The following ZGPAT variants were observed in gnomAD, a reference collection of about 807,000 sequenced individuals.
ZGPAT encodes zinc finger CCCH-type with G patch domain-containing protein.
ZGPAT carries 39 observed loss-of-function variants against 47.9 expected under a neutral mutation model. That is an observed-to-expected ratio of 0.81 (90% CI 0.63 to 1.06). The LOEUF (loss-of-function observed/expected upper bound fraction) is 1.06. ZGPAT is among the 50% of genes least tolerant of loss of function. The pLI, the probability that ZGPAT is intolerant of heterozygous loss-of-function variation, is 0.00. For synonymous variants in ZGPAT, 348 were observed against 292.9 expected (o/e 1.19, Z -1.92); for missense variants, 717 against 681.4 (o/e 1.05, Z -0.58).
At chr20:63,714,926 T>A (rs1388508712) in intron 2 of ZGPAT, among the ~76,000 whole-genome samples, 1 of 150,600 alleles carries the variant, frequency 6.6e-6, no homozygotes, top group Non-Finnish European at 1.5e-5. Context: ...CAGGGGTGAG[T>A]CACTGCACTG....
chr20:63,735,745 C>G, intron 6 of ZGPAT, 36 bp from the exon 7 acceptor site: 1 of 1,565,872 alleles, frequency 6.4e-7, no homozygotes, highest in Non-Finnish European at 8.6e-7. Context: ...GTGGCATGGC[C>G]CAGGACCCCA....
chr20:63,709,897 G>A (rs1373392360), intron 2 of ZGPAT, among the ~76,000 whole-genome samples: 2 of 151,968 alleles, frequency 1.3e-5, no homozygotes, highest in Non-Finnish European at 2.9e-5. Context: ...GTCTTGTTCT[G>A]TTGCCCAGGC....
intron 2 of ZGPAT, among the ~76,000 whole-genome samples, chr20:63,718,380 G>A (rs924160045): frequency 2.0e-5 from 3 of 151,762 alleles, no homozygotes; most frequent in Non-Finnish European, 4.4e-5. Flanking sequence ...GCCCAGGCTG[G>A]AGAATGGTGG....
At chr20:63,712,023 C>T (rs1029013230) in intron 2 of ZGPAT, among the ~76,000 whole-genome samples, 1 of 152,124 alleles carries the variant, frequency 6.6e-6, no homozygotes, top group African/African-American at 2.4e-5. Flanking sequence ...TGATGCAGTG[C>T]AATTTATTGT....
chr20:63,717,751 T>C (rs1359619991), intron 2 of ZGPAT, among the ~76,000 whole-genome samples: 2 of 152,050 alleles, frequency 1.3e-5, no homozygotes, highest in Non-Finnish European at 2.9e-5. Flanking sequence ...CTTTTATAAG[T>C]TTTTGCAGAG....
intron 2 of ZGPAT, among the ~76,000 whole-genome samples, chr20:63,712,290 T>C (rs1247088983): frequency 6.6e-6 from 1 of 152,230 alleles, no homozygotes; most frequent in African/African-American, 2.4e-5. Context: ...TCTTGGCACT[T>C]TTGTCCAAAA....
chr20:63,734,738 G>C lies in ZGPAT; in HGVS notation c.905G>C (p.Cys302Ser), dbSNP rs1190866035. Residue 302 changes from cysteine (C) to serine (S), a missense_variant, in exon 5 of 7, where the codon TGC (cysteine) becomes TCC (serine). Physicochemically the swap from Cys to Ser is moderately radical, Grantham distance 112. Coordinates refer to ENST00000355969, the MANE Select transcript of ZGPAT (RefSeq NM_181485.3). ...VGSDAVDSGT[C>S]SSAFAGWEVH... is the part of the protein sequence containing the mutation. ...TCAGATGCTGTGGACTCTGGGACCT[G>C]CAGCTCTGCCTTTGCTGGCTGGGAG... 6 of 1,614,064 alleles carry C rather than the reference G, an allele frequency of 3.7e-6. No homozygotes were observed. The highest frequency in any genetic ancestry group is 5.1e-6 in the Non-Finnish European group (6 of 1,179,942).
Position 63,733,696 on chromosome 20 carries a change from C to G in ZGPAT, c.828C>G (p.Ser276=). 6.2e-7 allele frequency: 1 copy of G among 1,613,864 alleles called. No individual in the cohort carries two copies. Among genetic ancestry groups the G allele is most frequent in the Non-Finnish European group, 8.5e-7 (1 of 1,179,978 alleles). The change falls in exon 4 of 7, where the codon TCC becomes TCG. Residue 276 remains serine (S), a synonymous_variant. Coordinates refer to ENST00000355969, the MANE Select transcript of ZGPAT (RefSeq NM_181485.3). ...CACTGCGCACAGAGGCCACAGAGTCCGACTCAGACAGCGACGGTACGGGTG... is the reference window on the plus strand; with the variant it reads ...CACTGCGCACAGAGGCCACAGAGTCGGACTCAGACAGCGACGGTACGGGTG... ...LPPLRTEATE[S]DSDSDGTGDS...
At chr20:63,716,064 C>G (rs769843679) in intron 2 of ZGPAT, among the ~76,000 whole-genome samples, 3 of 152,200 alleles carry the variant, frequency 2.0e-5, no homozygotes, top group Non-Finnish European at 2.9e-5. Flanking sequence ...TGGTCTCGCT[C>G]TGTCGCCCAG....
At chr20:63,710,230 C>T (rs1291637529) in intron 2 of ZGPAT, among the ~76,000 whole-genome samples, 1 of 150,832 alleles carries the variant, frequency 6.6e-6, no homozygotes, top group Admixed American at 6.6e-5. Flanking sequence ...CTCAGCTTAC[C>T]GCAACCTCTG....
intron 2 of ZGPAT, among the ~76,000 whole-genome samples, chr20:63,715,627 C>T (rs934189931): frequency 6.6e-6 from 1 of 152,096 alleles, no homozygotes; most frequent in African/African-American, 2.4e-5. Flanking sequence ...AGAATATTTG[C>T]ATCTGTATTG....
At chr20:63,732,882 G>C (rs192091714) in intron 2 of ZGPAT, among the ~76,000 whole-genome samples, 89 of 152,112 alleles carry the variant, frequency 5.9e-4, no homozygotes, top group African/African-American at 2.0e-3. Context: ...GTGCGTATGC[G>C]TGTATGTGTA....
chr20:63,709,799 C>A (rs1393688919), intron 2 of ZGPAT, among the ~76,000 whole-genome samples: 2 of 151,878 alleles, frequency 1.3e-5, no homozygotes, highest in African/African-American at 4.8e-5. Flanking sequence ...CTGCCTCAGC[C>A]CCCCTAGGAG....
chr20:63,710,759 G>T (rs1249959909), intron 2 of ZGPAT, among the ~76,000 whole-genome samples: 1 of 152,110 alleles, frequency 6.6e-6, no homozygotes, highest in African/African-American at 2.4e-5. Context: ...GGAAGTCCAA[G>T]TCCGATGTGA....
Position 63,726,605 on chromosome 20 carries a change from C to T in ZGPAT, c.585-6614C>T, listed in dbSNP as rs377016207. The stretch of plus-strand genomic sequence containing the variant: ...TGGTGCAATCTCGGCTCACTGCAAC[C>T]TCCGCCTCCCAGGCTCAAGCGATTC... On this transcript the variant is annotated intron_variant, in intron 2 of 6. Coordinates refer to ENST00000355969, the MANE Select transcript of ZGPAT (RefSeq NM_181485.3). Among the ~76,000 whole-genome samples the T allele has an allele frequency of 9.9e-5, 15 of 152,256 alleles. No homozygotes were observed. In the South Asian group the frequency reaches 2.9e-3, roughly 29 times the overall value.
At chr20:63,731,535 G>T (rs2091903208) in intron 2 of ZGPAT, among the ~76,000 whole-genome samples, 2 of 107,694 alleles carry the variant, frequency 1.9e-5, no homozygotes, top group Admixed American at 9.6e-5. Flanking sequence ...GTGCATACGT[G>T]TGTAAAGTGT....
intron 2 of ZGPAT, among the ~76,000 whole-genome samples, chr20:63,712,613 T>A (rs2091681064): frequency 6.6e-6 from 1 of 152,162 alleles, no homozygotes; most frequent in East Asian, 1.9e-4. Context: ...TTAAGCCTTC[T>A]GGCTGGGTGT....
chr20:63,735,410 GC>G lies in ZGPAT; in HGVS notation c.1247del (p.Pro416GlnfsTer20), dbSNP rs2091974438. ...TCCTGGGGCCCTAGAAGCCGGGGCG[GC>G]CCCAGCGGGGAGGAGGAGCAAGGAC... ...QAPGALEAGA[A>X]PAGRRSKDMY... On this transcript the variant is annotated frameshift_variant, in exon 6 of 7. Coordinates refer to ENST00000355969, the MANE Select transcript of ZGPAT (RefSeq NM_181485.3). LOFTEE classifies it high-confidence loss of function. The G allele has an allele frequency of 6.4e-7, 1 of 1,566,650 alleles. No homozygotes were observed. Among genetic ancestry groups the G allele is most frequent in the Non-Finnish European group, 8.6e-7 (1 of 1,159,272 alleles).
chr20:63,731,851 A>G (rs1303559747), intron 2 of ZGPAT, among the ~76,000 whole-genome samples: 1 of 152,244 alleles, frequency 6.6e-6, no homozygotes, highest in Non-Finnish European at 1.5e-5. Flanking sequence ...ACACTGTATA[A>G]CAACTATTTA....
Sources: allele counts gnomAD v4.1 joint callset (sites outside exome capture counted in the v4.1 genomes callset), GRCh38; gene constraint gnomAD v4.1.1; transcripts MANE v1.5; gene names NCBI Gene and HGNC (gene_info 2026-07-23, HGNC 2026-07-21).